Variants in TMEM108 observed in about 807,000 individuals in gnomAD.
TMEM108 encodes the protein transmembrane protein 108, also known as cancer/testis antigen 124.
TMEM108 carries 12 observed loss-of-function variants against 35.1 expected under a neutral mutation model. The observed-to-expected ratio is 0.34, with a 90% confidence interval of 0.22 to 0.55. The LOEUF is 0.55. Among genes scored for constraint, TMEM108 ranks in the 20% least tolerant of loss-of-function variants. The pLI, the probability that TMEM108 is intolerant of heterozygous loss-of-function variation, is 0.89. For missense variants in TMEM108, 680 were observed against 753.3 expected, an observed-to-expected ratio of 0.90 and a Z score of 1.14; for synonymous variants, 287 against 308.6, an observed-to-expected ratio of 0.93 and a Z score of 0.73.
At chr3:133,369,763 G>A (rs923799079) in intron 3 of TMEM108, among the ~76,000 whole-genome samples, 1 of 152,114 alleles carries the variant, frequency 6.6e-6, no homozygotes, top group Non-Finnish European at 1.5e-5. Flanking sequence ...TGGCATTAAG[G>A]CAGGGAGCAT....
chr3:133,235,056 G>A (rs1440538771), intron 3 of TMEM108, among the ~76,000 whole-genome samples: 5 of 151,964 alleles, frequency 3.3e-5, no homozygotes, highest in African/African-American at 4.8e-5. Flanking sequence ...GGATGTGAAG[G>A]ACCTCTTCAA....
At chr3:133,094,820 G>GTT (rs142963319) in intron 2 of TMEM108, among the ~76,000 whole-genome samples, 15 of 151,158 alleles carry the variant, frequency 9.9e-5, no homozygotes, top group Non-Finnish European at 2.1e-4. Context: ...ACTTTATCTT[G>GTT]TTTTTTTTTA....
chr3:133,063,112 A>T (rs2107683447), intron 2 of TMEM108, among the ~76,000 whole-genome samples: 1 of 152,244 alleles, frequency 6.6e-6, no homozygotes, highest in South Asian at 2.1e-4. Context: ...CTGACAGGAG[A>T]TGTTGGTGGT....
intron 2 of TMEM108, among the ~76,000 whole-genome samples, chr3:133,132,395 G>A (rs1944502662): frequency 6.6e-6 from 1 of 152,114 alleles, no homozygotes; most frequent in African/African-American, 2.4e-5. Flanking sequence ...AAGTTCTAAG[G>A]TCCTTAAGAA....
At chr3:133,234,313 A>T (rs1057377494) in intron 3 of TMEM108, among the ~76,000 whole-genome samples, 1 of 152,094 alleles carries the variant, frequency 6.6e-6, no homozygotes, top group Non-Finnish European at 1.5e-5. Context: ...TGAATTTTAG[A>T]CCAATATCCT....
intron 2 of TMEM108, among the ~76,000 whole-genome samples, chr3:133,125,332 G>A (rs1944401570): frequency 6.6e-6 from 1 of 152,198 alleles, no homozygotes; most frequent in Admixed American, 6.5e-5. Context: ...TCTGATGTGG[G>A]CTTTACTGCC....
intron 2 of TMEM108, among the ~76,000 whole-genome samples, chr3:133,136,664 C>T (rs1384379160): frequency 6.6e-6 from 1 of 152,186 alleles, no homozygotes; most frequent in Non-Finnish European, 1.5e-5. Context: ...TCACCTTTTA[C>T]CTGGTGCCAT....
intron 3 of TMEM108, among the ~76,000 whole-genome samples, chr3:133,245,626 A>T (rs1946375317): frequency 6.6e-6 from 1 of 152,268 alleles, no homozygotes; most frequent in Non-Finnish European, 1.5e-5. Flanking sequence ...CTTAGCCTAG[A>T]ACAATGCCTG....
At chr3:133,181,008 T>TAAAA (rs369228472) in intron 2 of TMEM108, among the ~76,000 whole-genome samples, 845 of 75,744 alleles carry the variant, frequency 0.011, 90 homozygotes, top group African/African-American at 0.04. Context: ...GCAGTTGTGT[T>TAAAA]AAAAAAAAAA....
chr3:133,233,785 G>A (rs1465055681), intron 3 of TMEM108, among the ~76,000 whole-genome samples: 2 of 151,072 alleles, frequency 1.3e-5, no homozygotes, highest in Non-Finnish European at 3.0e-5. Flanking sequence ...TTTCTCTGAT[G>A]GCCAGTGATG....
chr3:133,327,536 T>A (rs1307550793), intron 3 of TMEM108, among the ~76,000 whole-genome samples: 2 of 152,130 alleles, frequency 1.3e-5, no homozygotes, highest in East Asian at 3.9e-4. Context: ...CCAGAAAATG[T>A]CCATTGGCAG....
chr3:133,208,704 C>T (rs996819818), intron 2 of TMEM108, among the ~76,000 whole-genome samples: 6 of 152,154 alleles, frequency 3.9e-5, no homozygotes, highest in Admixed American at 6.5e-5. Context: ...AGTCACATTA[C>T]ATCCAAAACT....
chr3:133,191,588 T>C (rs967004894), intron 2 of TMEM108, among the ~76,000 whole-genome samples: 3 of 152,208 alleles, frequency 2.0e-5, no homozygotes, highest in Admixed American at 6.5e-5. Context: ...ATATCACCTC[T>C]ATCTGGAACT....
At chr3:133,040,033 G>C (rs564431186) in intron 1 of TMEM108, among the ~76,000 whole-genome samples, 2 of 151,984 alleles carry the variant, frequency 1.3e-5, no homozygotes, top group African/African-American at 4.8e-5. Context: ...AAATTTTGTC[G>C]GTTTTCTGAG....
intron 3 of TMEM108, among the ~76,000 whole-genome samples, chr3:133,370,534 GCTT>G (rs2072628538): frequency 1.3e-5 from 2 of 152,178 alleles, no homozygotes; most frequent in South Asian, 2.1e-4. Flanking sequence ...GTTTTTATGA[GCTT>G]CTTCCTTTTA....
At chr3:133,342,531 A>AAAAG (rs1370933318) in intron 3 of TMEM108, among the ~76,000 whole-genome samples, 4 of 23,558 alleles carry the variant, frequency 1.7e-4, no homozygotes, top group Non-Finnish European at 3.9e-4. Context: ...AAAAAGTTAA[A>AAAAG]AAAGAAAATG....
At chr3:133,140,349 G>T (rs566573052) in intron 2 of TMEM108, among the ~76,000 whole-genome samples, 1 of 151,994 alleles carries the variant, frequency 6.6e-6, no homozygotes, top group Non-Finnish European at 1.5e-5. Context: ...CCATGACTTG[G>T]CCCTAAACCA....
chr3:133,082,630 C>T (rs1267239430), intron 2 of TMEM108, among the ~76,000 whole-genome samples: 1 of 152,000 alleles, frequency 6.6e-6, no homozygotes, highest in Non-Finnish European at 1.5e-5. Flanking sequence ...TTGCCAAGCG[C>T]TATTTTAACC....
intron 4 of TMEM108, chr3:133,387,028 T>C (rs570357264): frequency 2.0e-6 from 2 of 985,628 alleles, no homozygotes; most frequent in East Asian, 1.1e-4. Context: ...CTTGTACTTT[T>C]CTTTCTTGGA....
Sources: gnomAD v4.1 joint callset for allele counts (sites outside exome capture counted in the v4.1 genomes callset) on GRCh38, gnomAD v4.1.1 for gene constraint, MANE v1.5 for transcripts, NCBI Gene and HGNC (gene_info 2026-07-23, HGNC 2026-07-21) for gene names.